Variants in FNDC3A observed in about 807,000 individuals in gnomAD.
FNDC3A encodes fibronectin type-III domain-containing protein 3A.
FNDC3A carries 32 observed loss-of-function variants against 148.9 expected under a neutral mutation model. The ratio of observed to expected loss-of-function variants is 0.21; its 90% confidence interval spans 0.16 to 0.29. The LOEUF (loss-of-function observed/expected upper bound fraction) is 0.29. FNDC3A is among the 10% of genes least tolerant of loss of function. The probability of loss-of-function intolerance (pLI) is 1.00; values close to 1 mark genes in which losing one functional copy is unlikely to be tolerated. For synonymous variants in FNDC3A, 472 were observed against 473.6 expected (o/e 1.00, Z 0.04); for missense variants, 1,191 against 1,452.8 (o/e 0.82, Z 2.93).
chr13:49,039,824 C>G (rs1449139638), intron 2 of FNDC3A, among the ~76,000 whole-genome samples: 1 of 152,176 alleles, frequency 6.6e-6, no homozygotes, highest in African/African-American at 2.4e-5. Context: ...AAGCGATCCT[C>G]CTGCTTCAGC....
rs61949510 is a variant in FNDC3A, at chr13:49,204,700, G to C, written c.3282+1416G>C. Reference sequence around the variant, plus strand: ...TGAGTAGTATATGAATAACCTTAAGGCTTGTTTGAATGACTTTTCTTGGGT... The same window carrying C: ...TGAGTAGTATATGAATAACCTTAAGCCTTGTTTGAATGACTTTTCTTGGGT... On this transcript the variant is annotated intron_variant, in intron 25 of 25. Transcript: ENST00000492622. Among the ~76,000 whole-genome samples the C allele has an allele frequency of 1.9e-3, 290 of 152,232 alleles. 1 individual carries two copies. Among genetic ancestry groups the C allele is most frequent in the Non-Finnish European group, 1.5e-3 (104 of 68,018 alleles).
chr13:49,120,941 CAG>C (rs778837123), intron 4 of FNDC3A, among the ~76,000 whole-genome samples: 13 of 152,078 alleles, frequency 8.5e-5, no homozygotes, highest in African/African-American at 3.1e-4. Context: ...ATCAATGAGA[CAG>C]AAAATTAACA....
At chr13:48,989,733 A>G (rs1487622224) in intron 1 of FNDC3A, among the ~76,000 whole-genome samples, 1 of 152,010 alleles carries the variant, frequency 6.6e-6, no homozygotes, top group East Asian at 1.9e-4. Flanking sequence ...AACACATCAT[A>G]ATCAAATCAC....
intron 19 of FNDC3A, among the ~76,000 whole-genome samples, chr13:49,191,595 T>G (rs769061883): frequency 6.6e-6 from 1 of 152,228 alleles, no homozygotes; most frequent in Non-Finnish European, 1.5e-5. Context: ...TAGATCCCAC[T>G]TACAGTTTGT....
chr13:49,168,155 A>G (rs1450240703), intron 9 of FNDC3A, among the ~76,000 whole-genome samples: 1 of 152,182 alleles, frequency 6.6e-6, no homozygotes, highest in African/African-American at 2.4e-5. Flanking sequence ...TGTGGTTGGG[A>G]TTATTTCTGT....
In FNDC3A at chr13:48,986,385, GTTTTTTTTTTTTT is replaced by G. The variant is rs869031197; in HGVS notation, c.-40+10224_-40+10236del. On this transcript the variant is annotated intron_variant, in intron 1 of 25. Coordinates refer to ENST00000492622, the MANE Select transcript of FNDC3A (RefSeq NM_001079673.2). ...AAGACAGAGTAAGGAGAAGGAAGTT[GTTTTTTTTTTTTT>G]TTTTTTTTTTTTTTTGAGGCGGAGT... Among the ~76,000 whole-genome samples, 213 of 54,436 alleles carry G rather than the reference GTTTTTTTTTTTTT, an allele frequency of 3.9e-3. 9 individuals carry two copies. In the South Asian group the frequency reaches 0.14, roughly 35 times the overall value. The allele number at this position is 54,436 out of a possible 152,430, so 35.7% of individuals were successfully genotyped here.
chr13:49,025,496 A>G (rs1873639789), intron 2 of FNDC3A, among the ~76,000 whole-genome samples: 1 of 152,104 alleles, frequency 6.6e-6, no homozygotes, highest in Admixed American at 6.5e-5. Flanking sequence ...GTCCTCAAAC[A>G]TGTTATTGAC....
chr13:49,055,909 G>A (rs767852839), intron 2 of FNDC3A, among the ~76,000 whole-genome samples: 7 of 152,078 alleles, frequency 4.6e-5, no homozygotes, highest in Admixed American at 1.3e-4. Context: ...TACAGAGGCC[G>A]GGTGTGGTGG....
chr13:49,134,465 C>T (rs963682501), intron 5 of FNDC3A, among the ~76,000 whole-genome samples: 12 of 152,186 alleles, frequency 7.9e-5, no homozygotes, highest in Middle Eastern at 3.4e-3. Context: ...GTTGTTTTCA[C>T]TTTTTGTCTA....
intron 2 of FNDC3A, among the ~76,000 whole-genome samples, chr13:49,018,694 C>A (rs931378993): frequency 4.6e-5 from 7 of 152,382 alleles, no homozygotes; most frequent in African/African-American, 1.7e-4. Flanking sequence ...TTTAGAGTTT[C>A]CAGTTTTTCT....
chr13:49,047,233 G>T lies in FNDC3A; in HGVS notation c.100-28056G>T, dbSNP rs547868408. On this transcript the variant is annotated intron_variant, in intron 2 of 25. Transcript: ENST00000492622. ...TCACTCATTGATTGATGGACATTTG[G>T]GCTGGTTACATATTTTTGCAGTTGC... Among the ~76,000 whole-genome samples the T allele has an allele frequency of 3.4e-4, 51 of 151,928 alleles. No homozygotes were observed. The South Asian group carries it at 0.011, about 32-fold the overall frequency.
intron 2 of FNDC3A, chr13:49,045,798 T>C: frequency 2.1e-6 from 1 of 465,278 alleles, no homozygotes; most frequent in South Asian, 2.9e-5. Flanking sequence ...TCCTTTTTTT[T>C]TTTTTTTTTT....
intron 1 of FNDC3A, among the ~76,000 whole-genome samples, chr13:48,990,221 A>C (rs1244579683): frequency 6.6e-6 from 1 of 152,138 alleles, no homozygotes; most frequent in African/African-American, 2.4e-5. Context: ...CTTTCAAAAT[A>C]AAGGCAAAAT....
intron 8 of FNDC3A, among the ~76,000 whole-genome samples, chr13:49,162,108 T>A (rs1884168892): frequency 6.6e-6 from 1 of 152,102 alleles, no homozygotes; most frequent in Non-Finnish European, 1.5e-5. Flanking sequence ...TCTCAAGGAG[T>A]GTCTTTGTGG....
At chr13:49,039,072 C>T (rs12429554) in intron 2 of FNDC3A, among the ~76,000 whole-genome samples, 21,977 of 151,952 alleles carry the variant, frequency 0.14, 2,169 homozygotes, top group Non-Finnish European at 0.21. Flanking sequence ...GGTGGTGCTG[C>T]GGGTCAGATG....
At chr13:49,128,912 G>A (rs1881864751) in intron 4 of FNDC3A, among the ~76,000 whole-genome samples, 1 of 152,034 alleles carries the variant, frequency 6.6e-6, no homozygotes, top group South Asian at 2.1e-4. Context: ...GCTTTTCTTT[G>A]CCAGTAAGGC....
At chr13:49,198,723 G>A in intron 23 of FNDC3A, 149 bp downstream of exon 23, 2 of 648,636 alleles carry the variant, frequency 3.1e-6, no homozygotes, top group Middle Eastern at 3.5e-4. Context: ...CTTGAGCCCA[G>A]GAGTGCAAGA....
intron 8 of FNDC3A, among the ~76,000 whole-genome samples, chr13:49,160,138 G>C (rs1884000015): frequency 6.6e-6 from 1 of 152,182 alleles, no homozygotes; most frequent in Non-Finnish European, 1.5e-5. Context: ...CTCATAAAAT[G>C]AGTTAGGGAG....
At chr13:49,197,580 T>C (rs1027730898) in intron 20 of FNDC3A, 145 bp from the exon 21 acceptor site, 3 of 610,118 alleles carry the variant, frequency 4.9e-6, no homozygotes, top group African/African-American at 1.9e-5. Flanking sequence ...AAATGTAAAA[T>C]TGAACAGTTT....
Sources: gnomAD v4.1 joint callset for allele counts (sites outside exome capture counted in the v4.1 genomes callset) on GRCh38, gnomAD v4.1.1 for gene constraint, MANE v1.5 for transcripts, NCBI Gene and HGNC (gene_info 2026-07-23, HGNC 2026-07-21) for gene names.